ZNF536: variants seen among roughly 807,000 people sequenced by gnomAD.
ZNF536 encodes the protein zinc finger protein 536.
Under a neutral mutation model 84.5 loss-of-function variants are expected in ZNF536, and 13 were observed. That is an observed-to-expected ratio of 0.15 (90% CI 0.10 to 0.24). ZNF536 has a LOEUF of 0.24. ZNF536 is among the 10% of genes least tolerant of loss of function. The probability of loss-of-function intolerance (pLI) is 1.00; values close to 1 mark genes in which losing one functional copy is unlikely to be tolerated. For synonymous variants in ZNF536, 811 were observed against 742.5 expected, an observed-to-expected ratio of 1.09 and a Z score of -1.50; for missense variants, 1,536 against 1,747.5, an observed-to-expected ratio of 0.88 and a Z score of 2.16.
chr19:30,544,007 G>A (rs1568534759), intron 3 of ZNF536, among the ~76,000 whole-genome samples: 3 of 152,188 alleles, frequency 2.0e-5, no homozygotes. Context: ...AAAGGGAAGC[G>A]AGGGCTTTGA....
At chr19:30,670,791 C>T (rs1362431502) in intron 1 of ZNF536, among the ~76,000 whole-genome samples, 3 of 152,222 alleles carry the variant, frequency 2.0e-5, no homozygotes, top group Non-Finnish European at 4.4e-5. Flanking sequence ...ATTCCCGGGT[C>T]CATCCCTTCA....
chr19:30,527,905 AT>A (rs2044655515), intron 2 of ZNF536, among the ~76,000 whole-genome samples: 1 of 152,098 alleles, frequency 6.6e-6, no homozygotes. Flanking sequence ...GAAAGATGTG[AT>A]TTTTTTGTTG....
chr19:30,706,145 G>C (rs1270679453), intron 1 of ZNF536, among the ~76,000 whole-genome samples: 2 of 152,170 alleles, frequency 1.3e-5, no homozygotes, highest in Non-Finnish European at 2.9e-5. Flanking sequence ...TGTAGCATAG[G>C]ATTCATACGT....
chr19:30,470,567 T>C (rs7250315), intron 2 of ZNF536, among the ~76,000 whole-genome samples: 45,020 of 151,640 alleles, frequency 0.3, 8,074 homozygotes, highest in East Asian at 0.49. Context: ...GCCATATGCC[T>C]CCGACCCCAC....
intron 2 of ZNF536, among the ~76,000 whole-genome samples, chr19:30,504,763 C>T (rs1387949870): frequency 6.6e-6 from 1 of 151,834 alleles, no homozygotes; most frequent in Non-Finnish European, 1.5e-5. Context: ...GGCTGCTGCC[C>T]TCATGGGGTT....
intron 2 of ZNF536, among the ~76,000 whole-genome samples, chr19:30,334,272 C>T (rs544699308): frequency 1.7e-4 from 26 of 152,246 alleles, no homozygotes; most frequent in Non-Finnish European, 3.4e-4. Context: ...CAAAGCTATG[C>T]GATTCTTGGG....
chr19:30,630,620 CCT>C (rs1162369121), intron 1 of ZNF536, among the ~76,000 whole-genome samples: 2 of 152,178 alleles, frequency 1.3e-5, no homozygotes, highest in Non-Finnish European at 2.9e-5. Context: ...TTTGAAAAAT[CCT>C]CTGTTCTCCA....
chr19:30,503,897 T>C (rs2055050434), intron 2 of ZNF536, among the ~76,000 whole-genome samples: 1 of 124,584 alleles, frequency 8.0e-6, no homozygotes, highest in Non-Finnish European at 2.0e-5. Flanking sequence ...GGGGTTTGTC[T>C]TTCTTTCTTT....
chr19:30,680,374 G>C (rs1011164308), intron 1 of ZNF536, among the ~76,000 whole-genome samples: 2 of 149,782 alleles, frequency 1.3e-5, no homozygotes, highest in Non-Finnish European at 3.0e-5. Flanking sequence ...TTAGCATTAG[G>C]TATATCTCCT....
At position 30,444,642 on chromosome 19, in the gene ZNF536, C is replaced by G. The variant is rs757342308; in HGVS notation, c.1080C>G (p.Leu360=). 2 of 1,613,960 alleles carry G rather than the reference C, an allele frequency of 1.2e-6. No individual in the cohort carries two copies. Among genetic ancestry groups the G allele is most frequent in the East Asian group, 2.2e-5 (1 of 44,870 alleles). Residue 360 remains leucine (L), a synonymous_variant, in exon 2 of 5, where the codon CTC becomes CTG. Coordinates refer to ENST00000355537, the MANE Select transcript of ZNF536 (RefSeq NM_014717.3). ...CGQVFSQAWF[L]KGHMRKHKDS... ...AGGTGTTCAGCCAGGCGTGGTTCCT[C>G]AAGGGTCACATGCGCAAGCACAAAG...
chr19:30,366,344 A>G (rs2048427625), intron 3 of ZNF536, among the ~76,000 whole-genome samples: 1 of 151,652 alleles, frequency 6.6e-6, no homozygotes. Flanking sequence ...CTATCTGTCT[A>G]TTATCTACCT....
At chr19:30,414,785 T>C (rs2050642204) in intron 1 of ZNF536, among the ~76,000 whole-genome samples, 3 of 152,262 alleles carry the variant, frequency 2.0e-5, no homozygotes, top group South Asian at 2.1e-4. Context: ...TTTCCTCTGT[T>C]GTATAAAACC....
At chr19:30,471,723 C>T (rs934278544) in intron 2 of ZNF536, among the ~76,000 whole-genome samples, 5 of 152,194 alleles carry the variant, frequency 3.3e-5, no homozygotes, top group Admixed American at 6.5e-5. Context: ...TGCTGAGGCA[C>T]CTGCCTGGTA....
chr19:30,541,093 T>C (rs1244872825), intron 3 of ZNF536, among the ~76,000 whole-genome samples: 2 of 152,230 alleles, frequency 1.3e-5, no homozygotes, highest in Non-Finnish European at 2.9e-5. Flanking sequence ...ACTCATGCTA[T>C]GGTGGAAACC....
At chr19:30,579,029 T>C (rs959100700) in intron 1 of ZNF536, among the ~76,000 whole-genome samples, 1 of 152,204 alleles carries the variant, frequency 6.6e-6, no homozygotes, top group African/African-American at 2.4e-5. Context: ...CTACCTGACA[T>C]AACTATATAA....
chr19:30,292,641 T>C (rs948723347), intron 2 of ZNF536, among the ~76,000 whole-genome samples: 8 of 152,092 alleles, frequency 5.3e-5, no homozygotes, highest in African/African-American at 1.9e-4. Context: ...CTTTGGGTGT[T>C]TTTAGTAAGC....
At chr19:30,460,846 C>T (rs17614190) in intron 2 of ZNF536, among the ~76,000 whole-genome samples, 8,860 of 152,196 alleles carry the variant, frequency 0.058, 392 homozygotes, top group Admixed American at 0.13. Flanking sequence ...TCAGGGATTG[C>T]GACTCAGGGT....
downstream of ZNF536, among the ~76,000 whole-genome samples, chr19:30,558,994 C>A (rs563891905): frequency 4.5e-4 from 68 of 152,342 alleles, no homozygotes; most frequent in African/African-American, 1.5e-3. Context: ...AATTGCATCA[C>A]CCTAGCTGGT....
intron 2 of ZNF536, among the ~76,000 whole-genome samples, chr19:30,451,343 A>T (rs1298151075): frequency 2.0e-5 from 3 of 152,220 alleles, no homozygotes; most frequent in African/African-American, 7.2e-5. Flanking sequence ...CCGGATGCCT[A>T]CCAGCAGTTT....
Sources: gnomAD v4.1 joint callset for allele counts (sites outside exome capture counted in the v4.1 genomes callset) on GRCh38, gnomAD v4.1.1 for gene constraint, MANE v1.5 for transcripts, NCBI Gene and HGNC (gene_info 2026-07-23, HGNC 2026-07-21) for gene names.